Variants in ANKRD16 observed in about 807,000 individuals in gnomAD.
ANKRD16 encodes ankyrin repeat domain 16.
Under a neutral mutation model 37.9 loss-of-function variants are expected in ANKRD16, and 35 were observed. The ratio of observed to expected loss-of-function variants is 0.92; its 90% CI spans 0.71 to 1.23. The LOEUF (loss-of-function observed/expected upper bound fraction) is 1.23, where lower values mean the gene tolerates loss of function less well. ANKRD16 is among the 50% of genes most tolerant of loss of function. The pLI is 0.00. For missense variants in ANKRD16, 480 were observed against 469.9 expected (o/e 1.02, Z -0.20); for synonymous variants, 206 against 197.2 (o/e 1.04, Z -0.37).
At position 5,868,840 on chromosome 10, in the gene ANKRD16, A is replaced by G. The variant is rs116596766; in HGVS notation, c.*34-6149T>C. Among the ~76,000 whole-genome samples, 3,970 of 152,306 alleles carry G rather than the reference A, an allele frequency of 0.026. 157 individuals are homozygous for G. The highest frequency in any genetic ancestry group is 0.09 in the African/African-American group (3,726 of 41,538). On this transcript the variant is annotated intron_variant, in intron 7 of 7. Coordinates refer to ENST00000380094, the MANE Select transcript of ANKRD16 (RefSeq NM_019046.3). The surrounding 1 kb of genome is among the most constrained non-coding windows in gnomAD (Gnocchi z 4.9). ...AGGAGGAACAAACAACTCTGAATGTACCATCTTTAAGATCATAACACTCAC... is the reference window on the plus strand; with the variant it reads ...AGGAGGAACAAACAACTCTGAATGTGCCATCTTTAAGATCATAACACTCAC...
In ANKRD16 at chr10:5,868,488, C is replaced by T. The variant is rs1842045752; in HGVS notation, c.*34-5797G>A. 6.6e-6 allele frequency among the ~76,000 whole-genome samples: 1 copy of T among 152,140 alleles called. No individual in the cohort carries two copies. The highest frequency in any genetic ancestry group is 2.4e-5 in the African/African-American group (1 of 41,428). ...CTGTCTAGCTAAAGGACTGTAAATGCACCAATCAGCACTCTATAAAAATGC... is the reference window on the plus strand; with the variant it reads ...CTGTCTAGCTAAAGGACTGTAAATGTACCAATCAGCACTCTATAAAAATGC... On this transcript the variant is annotated intron_variant, in intron 7 of 7. Transcript: ENST00000380094. The surrounding 1 kb of genome is among the most constrained non-coding windows in gnomAD (Gnocchi z 4.9).
At chr10:5,884,148 A>T in intron 3 of ANKRD16, 71 bp from the exon 4 acceptor site, 1 of 1,154,476 alleles carries the variant, frequency 8.7e-7, no homozygotes, top group Non-Finnish European at 1.3e-6. Context: ...TTGACACCTG[A>T]TCACCTGCAG....
Position 5,871,446 on chromosome 10 carries a change from T to G in ANKRD16, c.*33+6651A>C, listed in dbSNP as rs1332924062. Among the ~76,000 whole-genome samples the G allele has an allele frequency of 6.6e-6, 1 of 152,020 alleles. No homozygotes were observed. The highest frequency in any genetic ancestry group is 1.5e-5 in the Non-Finnish European group (1 of 68,004). On this transcript the variant is annotated intron_variant, in intron 7 of 7. Transcript: ENST00000380094. This position sits in a 1 kb window ranked among gnomAD's most constrained non-coding sequence, Gnocchi z 4.5. ...ATAAATATCACACCACATCACTCTT[T>G]CCAACTGAAAGAGTGTAATTTAAAA...
At position 5,862,631 on chromosome 10, in the gene ANKRD16, G is replaced by A; in HGVS notation, c.*94C>T. 1 of 1,289,524 alleles carries A rather than the reference G, an allele frequency of 7.8e-7. No homozygotes were observed. Among genetic ancestry groups the A allele is most frequent in the Non-Finnish European group, 1.0e-6 (1 of 988,874 alleles). The allele number at this position is 1,289,524 out of a possible 1,614,324, so 79.9% of individuals were successfully genotyped here. ...TGAACTCAGGTTCAGGATGACTGAA[G>A]CAAGTTGCACTTGGCTTTCTCTGAG... On this transcript the variant is annotated 3_prime_UTR_variant, in exon 8 of 8. Transcript: ENST00000380094. The surrounding 1 kb of genome is among the most constrained non-coding windows in gnomAD (Gnocchi z 6.5).
chr10:5,869,998 T>C lies in ANKRD16; in HGVS notation c.*34-7307A>G, dbSNP rs896990425. Among the ~76,000 whole-genome samples the C allele has an allele frequency of 1.3e-5, 2 of 152,118 alleles. No homozygotes were observed. Among genetic ancestry groups the C allele is most frequent in the Non-Finnish European group, 2.9e-5 (2 of 68,024 alleles). ...TCTGAGAATCTGCATTTTTCTTTTT[T>C]TCAGGATCCCTAGGTTTGAAGGAAT... On this transcript the variant is annotated intron_variant, in intron 7 of 7. Transcript: ENST00000380094. The surrounding 1 kb of genome is among the most constrained non-coding windows in gnomAD (Gnocchi z 4.0).
rs1842221351 is a variant in ANKRD16 at position 5,878,455 on chromosome 10, T to C, written c.929-168A>G. On this transcript the variant is annotated intron_variant, in intron 6 of 7. Coordinates refer to ENST00000380094, the MANE Select transcript of ANKRD16 (RefSeq NM_019046.3). The surrounding 1 kb of genome is among the most constrained non-coding windows in gnomAD (Gnocchi z 5.1). The stretch of plus-strand genomic sequence containing the variant: ...CAAAATATTTTTGTTTCTAACCTGA[T>C]TGGGTTGAAAATAGTTTTAAAGATA... Among the ~76,000 whole-genome samples, 1 of 151,938 alleles carries C rather than the reference T, an allele frequency of 6.6e-6. No homozygotes were observed. Among genetic ancestry groups the C allele is most frequent in the Admixed American group, 6.6e-5 (1 of 15,228 alleles).
chr10:5,878,026 G>T lies in ANKRD16; in HGVS notation c.*33+71C>A. On this transcript the variant is annotated intron_variant, in intron 7 of 7. Coordinates refer to ENST00000380094, the MANE Select transcript of ANKRD16 (RefSeq NM_019046.3). This position sits in a 1 kb window ranked among gnomAD's most constrained non-coding sequence, Gnocchi z 5.1. Reference sequence around the variant, plus strand: ...GGATGAGGGAAGGGAGGAAGTGGAGGAGATGGAAAACTGGCTTCCAACTGG... The same window carrying T: ...GGATGAGGGAAGGGAGGAAGTGGAGTAGATGGAAAACTGGCTTCCAACTGG... 5 of 1,461,696 alleles carry T rather than the reference G, an allele frequency of 3.4e-6. No homozygotes were observed. The highest frequency in any genetic ancestry group is 3.7e-6 in the Non-Finnish European group (4 of 1,076,080). The allele number at this position is 1,461,696 out of a possible 1,614,324, so 90.5% of individuals were successfully genotyped here. A position where few individuals can be genotyped will look rare whatever the true frequency, so the allele number is the denominator to read the frequency against.
chr10:5,888,545 A>G (rs1046671644), intron 1 of ANKRD16, among the ~76,000 whole-genome samples: 1 of 152,200 alleles, frequency 6.6e-6, no homozygotes, highest in Non-Finnish European at 1.5e-5. Context: ...GGTGGAGCAG[A>G]GTATCTCTGA....
chr10:5,888,348 A>AT (rs1341354952), intron 1 of ANKRD16, among the ~76,000 whole-genome samples: 1 of 152,240 alleles, frequency 6.6e-6, no homozygotes, highest in Non-Finnish European at 1.5e-5. Context: ...ATAGCAGTGA[A>AT]TTGGAGCAGA....
chr10:5,878,271 A>G lies in ANKRD16; in HGVS notation c.945T>C (p.Cys315=). ...EKNRSALHLA[C]AGQHLACAKF... The stretch of plus-strand genomic sequence containing the variant: ...TGGCACAGGCCAAGTGCTGACCTGC[A>G]CAGGCCAGATGCAGGGCTGAGGGGT... The change falls in exon 7 of 8, where the codon TGT becomes TGC. Residue 315 remains cysteine, a synonymous_variant. Coordinates refer to ENST00000380094, the MANE Select transcript of ANKRD16 (RefSeq NM_019046.3). This position sits in a 1 kb window ranked among gnomAD's most constrained non-coding sequence, Gnocchi z 5.1. 1.2e-6 allele frequency: 2 copies of G among 1,613,976 alleles called. No homozygotes were observed. Among genetic ancestry groups the G allele is most frequent in the Non-Finnish European group, 1.7e-6 (2 of 1,180,014 alleles).
chr10:5,873,939 C>A (rs970118246), intron 7 of ANKRD16, among the ~76,000 whole-genome samples: 1 of 151,836 alleles, frequency 6.6e-6, no homozygotes, highest in Non-Finnish European at 1.5e-5. Flanking sequence ...TGTTGCCAGG[C>A]TGGAGTGCAG....
In ANKRD16 at chr10:5,880,341, G is replaced by A; in HGVS notation, c.885C>T (p.Ser295=). The part of the protein sequence containing the change: ...GHTSTIQTLL[S]LGADINSKDE... Reference sequence around the variant, plus strand: ...CTTTAGAATTGATGTCAGCTCCCAAGGATAAGAGAGTCTGAATTGTACTTG... The same window carrying A: ...CTTTAGAATTGATGTCAGCTCCCAAAGATAAGAGAGTCTGAATTGTACTTG... The change falls in exon 6 of 8, where the codon TCC becomes TCT. Residue 295 remains serine, a synonymous_variant. Coordinates refer to ENST00000380094, the MANE Select transcript of ANKRD16 (RefSeq NM_019046.3). The A allele has an allele frequency of 6.2e-7, 1 of 1,604,928 alleles. No individual in the cohort carries two copies. Among genetic ancestry groups the A allele is most frequent in the Non-Finnish European group, 8.5e-7 (1 of 1,176,446 alleles).
chr10:5,887,703 C>CCCCG (rs1554797474), intron 2 of ANKRD16, 144 bp downstream of exon 2: 2 of 153,068 alleles, frequency 1.3e-5, no homozygotes, highest in Non-Finnish European at 2.8e-5. Context: ...CCACCCCCTC[C>CCCCG]CCCCCAGATG....
chr10:5,885,100 T>C (rs1842396580), intron 3 of ANKRD16, among the ~76,000 whole-genome samples: 1 of 152,244 alleles, frequency 6.6e-6, no homozygotes, highest in Non-Finnish European at 1.5e-5. Flanking sequence ...CCTGCCAGTC[T>C]GTTGAGTTCC....
intron 7 of ANKRD16, among the ~76,000 whole-genome samples, chr10:5,875,314 T>C (rs182651299): frequency 5.3e-5 from 8 of 152,332 alleles, no homozygotes; most frequent in Non-Finnish European, 1.2e-4. Flanking sequence ...AAAGGGCTTT[T>C]ATCGCCCATT....
chr10:5,872,250 G>A (rs1282310938), intron 7 of ANKRD16, among the ~76,000 whole-genome samples: 14 of 152,054 alleles, frequency 9.2e-5, no homozygotes, highest in African/African-American at 2.2e-4. Context: ...AGGCTGAGGC[G>A]GGCGCATCAC....
chr10:5,889,678 C>T lies in ANKRD16; in HGVS notation c.-324G>A, dbSNP rs548164965. On this transcript the variant is annotated 5_prime_UTR_variant, in exon 1 of 8. Coordinates refer to ENST00000380094, the MANE Select transcript of ANKRD16 (RefSeq NM_019046.3). ...ATGAGCACGGAGGGGCCTGGGGATC[C>T]GAGAGCGCTGGCGTCCGCCGTCCTG... 208 of 175,876 alleles carry T rather than the reference C, an allele frequency of 1.2e-3. No homozygotes were observed. Among genetic ancestry groups the T allele is most frequent in the Middle Eastern group, 4.7e-3 (2 of 430 alleles). The allele number at this position is 175,876 out of a possible 1,614,324, so 10.9% of individuals were successfully genotyped here. A position where few individuals can be genotyped will look rare whatever the true frequency, so the allele number is the denominator to read the frequency against.
Position 5,889,524 on chromosome 10 carries a change from G to A in ANKRD16, c.-170C>T, listed in dbSNP as rs1258353481. On this transcript the variant is annotated 5_prime_UTR_variant, in exon 1 of 8. Coordinates refer to ENST00000380094, the MANE Select transcript of ANKRD16 (RefSeq NM_019046.3). The stretch of plus-strand genomic sequence containing the variant: ...CGCCCCCGGCTTTGTCCCCGGCAGA[G>A]CCGCCTCCTCAAACCCCCGGCCTAG... 1.4e-5 allele frequency: 5 copies of A among 367,934 alleles called. No homozygotes were observed. Among genetic ancestry groups the A allele is most frequent in the Non-Finnish European group, 2.1e-5 (5 of 235,970 alleles). The allele number at this position is 367,934 out of a possible 1,614,324, so 22.8% of individuals were successfully genotyped here.
intron 5 of ANKRD16, among the ~76,000 whole-genome samples, chr10:5,881,920 C>A (rs1842323433): frequency 6.6e-6 from 1 of 151,902 alleles, no homozygotes; most frequent in South Asian, 2.1e-4. Context: ...ATCTCCTGAC[C>A]TCACGATCCA....
Sources: allele counts gnomAD v4.1 joint callset (sites outside exome capture counted in the v4.1 genomes callset), GRCh38; gene constraint gnomAD v4.1.1; non-coding constraint Gnocchi (gnomAD v3.1); transcripts MANE v1.5; gene names NCBI Gene and HGNC (gene_info 2026-07-23, HGNC 2026-07-21).